Variants in DCDC1 observed in about 807,000 individuals in gnomAD.
DCDC1 encodes the protein doublecortin domain-containing protein 1.
Under a neutral mutation model 178.3 loss-of-function variants are expected in DCDC1, and 200 were observed. That is an observed-to-expected ratio of 1.12 (90% CI 1.00 to 1.26). The LOEUF is 1.26. DCDC1 is among the 50% of genes most tolerant of loss of function. The pLI is 0.00. For missense variants in DCDC1, 1,983 were observed against 1,749.2 expected, an observed-to-expected ratio of 1.13 and a Z score of -2.38; for synonymous variants, 690 against 604.8, an observed-to-expected ratio of 1.14 and a Z score of -2.07.
chr11:31,189,066 A>G (rs1291737425), intron 9 of DCDC1, among the ~76,000 whole-genome samples: 6 of 152,186 alleles, frequency 3.9e-5, no homozygotes, highest in Admixed American at 1.3e-4. Flanking sequence ...TGGTGCCTTC[A>G]TCTGGTACTT....
chr11:30,994,180 A>C (rs1396982688), intron 20 of DCDC1, among the ~76,000 whole-genome samples: 5 of 152,214 alleles, frequency 3.3e-5, no homozygotes, highest in African/African-American at 1.2e-4. Context: ...TACCATACTT[A>C]CCATAGACTA....
At chr11:31,261,602 A>C (rs1944788482) in intron 8 of DCDC1, among the ~76,000 whole-genome samples, 2 of 152,220 alleles carry the variant, frequency 1.3e-5, no homozygotes, top group Non-Finnish European at 2.9e-5. Context: ...CTAGAGATTA[A>C]AGTAAACAGG....
At chr11:31,321,250 C>A (rs1208219411) in intron 3 of DCDC1, among the ~76,000 whole-genome samples, 1 of 79,812 alleles carries the variant, frequency 1.3e-5, no homozygotes, top group Non-Finnish European at 2.5e-5. Flanking sequence ...GCCCCTCCCC[C>A]AGCCTCGTTG....
intron 20 of DCDC1, among the ~76,000 whole-genome samples, chr11:31,022,545 T>C (rs1178393410): frequency 6.6e-6 from 1 of 151,998 alleles, no homozygotes; most frequent in Non-Finnish European, 1.5e-5. Flanking sequence ...CTCTAGTTGA[T>C]GTCACCTCAT....
At chr11:31,218,656 A>G (rs1973876593) in intron 9 of DCDC1, among the ~76,000 whole-genome samples, 1 of 152,168 alleles carries the variant, frequency 6.6e-6, no homozygotes, top group Admixed American at 6.5e-5. Flanking sequence ...GTCATAATAA[A>G]ATGTAACAGC....
intron 9 of DCDC1, among the ~76,000 whole-genome samples, chr11:31,153,834 T>C (rs529431913): frequency 7.3e-5 from 8 of 109,772 alleles, no homozygotes; most frequent in African/African-American, 3.0e-4. Context: ...CATAACTCTA[T>C]GCTGTATCAT....
chr11:31,038,281 A>G lies in DCDC1; in HGVS notation c.2591+26188T>C, dbSNP rs900914787. Among the ~76,000 whole-genome samples, 14 of 152,240 alleles carry G rather than the reference A, an allele frequency of 9.2e-5. No homozygotes were observed. The East Asian group carries it at 2.7e-3, about 29-fold the overall frequency. On this transcript the variant is annotated intron_variant, in intron 20 of 38. Coordinates refer to ENST00000684477, the MANE Select transcript of DCDC1 (RefSeq NM_001387274.1). Reference sequence around the variant, plus strand: ...AAATGAATTTAAGTGCACATATCAGAACGAAGCATTTGGATACCTGGAGAG... The same window carrying G: ...AAATGAATTTAAGTGCACATATCAGGACGAAGCATTTGGATACCTGGAGAG...
intron 9 of DCDC1, among the ~76,000 whole-genome samples, chr11:31,206,380 A>G (rs780614640): frequency 8.5e-5 from 13 of 152,150 alleles, no homozygotes; most frequent in Middle Eastern, 6.8e-3. Flanking sequence ...AGATCATGAG[A>G]TCTCAATCTA....
chr11:30,932,542 G>C (rs183173650), intron 21 of DCDC1, among the ~76,000 whole-genome samples: 9 of 152,238 alleles, frequency 5.9e-5, no homozygotes, highest in Admixed American at 5.9e-4. Context: ...TTCTAGGCAT[G>C]ATATTATGCA....
intron 9 of DCDC1, among the ~76,000 whole-genome samples, chr11:31,171,470 C>T (rs1158340188): frequency 6.6e-6 from 1 of 152,166 alleles, no homozygotes; most frequent in Non-Finnish European, 1.5e-5. Context: ...TTTCTCTCAA[C>T]CTACATGTCT....
intron 15 of DCDC1, among the ~76,000 whole-genome samples, chr11:31,099,435 A>G (rs1402328173): frequency 6.6e-6 from 1 of 152,114 alleles, no homozygotes; most frequent in Non-Finnish European, 1.5e-5. Flanking sequence ...TTGAATTAAG[A>G]CCCTTCATGA....
chr11:31,160,379 T>G (rs1430795650), intron 9 of DCDC1, among the ~76,000 whole-genome samples: 1 of 152,194 alleles, frequency 6.6e-6, no homozygotes, highest in African/African-American at 2.4e-5. Context: ...TATCTTAGCA[T>G]TTTAATATAA....
chr11:31,275,586 C>A (rs1416616124), intron 7 of DCDC1, among the ~76,000 whole-genome samples: 4 of 152,102 alleles, frequency 2.6e-5, no homozygotes, highest in Non-Finnish European at 1.5e-5. Context: ...CTCACTGCAA[C>A]CTCTGCCTCC....
chr11:31,364,701 C>A (rs762555947), intron 1 of DCDC1, among the ~76,000 whole-genome samples: 1 of 152,070 alleles, frequency 6.6e-6, no homozygotes, highest in African/African-American at 2.4e-5. Flanking sequence ...TGACTATTGT[C>A]AAAATGGCAA....
chr11:31,021,405 A>C (rs1196810990), intron 20 of DCDC1, among the ~76,000 whole-genome samples: 1 of 152,194 alleles, frequency 6.6e-6, no homozygotes, highest in African/African-American at 2.4e-5. Flanking sequence ...AAAAAGTAAA[A>C]ACGGAGCACA....
chr11:30,919,002 C>T (rs1191604742), intron 25 of DCDC1, among the ~76,000 whole-genome samples: 1 of 152,068 alleles, frequency 6.6e-6, no homozygotes, highest in Non-Finnish European at 1.5e-5. Context: ...CTCCTTAAAT[C>T]ATCCCATTTT....
In DCDC1 at chr11:30,906,551, T is replaced by G. The variant is rs1163020292; in HGVS notation, c.4093A>C (p.Ser1365Arg). 1 of 1,612,794 alleles carries G rather than the reference T, an allele frequency of 6.2e-7. No homozygotes were observed. The highest frequency in any genetic ancestry group is 8.5e-7 in the Non-Finnish European group (1 of 1,179,362). ...AGATCATTACATACCTCAGCCACAC[T>G]GATGACCTTGAAGGGCCCTTGTAAG... is the stretch of plus-strand genomic sequence containing the variant. ...PFLQGPFKVISVAEVDLSCDK... is the reference protein window; with the variant it reads ...PFLQGPFKVIRVAEVDLSCDK... Residue 1365 changes from serine to arginine, a missense_variant, in exon 30 of 39, where the codon AGT becomes CGT. Transcript: ENST00000684477.
intron 20 of DCDC1, among the ~76,000 whole-genome samples, chr11:31,015,180 C>T (rs1168791142): frequency 2.6e-5 from 4 of 152,030 alleles, no homozygotes; most frequent in Non-Finnish European, 4.4e-5. Flanking sequence ...GATCTCCTGA[C>T]CTCGTGATCC....
At position 30,925,555 on chromosome 11, in the gene DCDC1, A is replaced by G. The variant is rs915051789; in HGVS notation, c.2898-147T>C. The G allele has an allele frequency of 6.3e-5, 44 of 695,172 alleles. No individual in the cohort carries two copies. The African/African-American group carries it at 6.5e-4, about 10-fold the overall frequency. 43.1% of individuals were successfully genotyped at this position (695,172 alleles called of 1,614,324 possible). On this transcript the variant is annotated intron_variant, in intron 22 of 38. Transcript: ENST00000684477. The stretch of plus-strand genomic sequence containing the variant: ...CATGAGCTGGACTCTGGGGCCCATC[A>G]GACCCATTTGAGTCTCATTTTCCTC...
Sources: allele counts gnomAD v4.1 joint callset (sites outside exome capture counted in the v4.1 genomes callset), GRCh38; gene constraint gnomAD v4.1.1; transcripts MANE v1.5; gene names NCBI Gene and HGNC (gene_info 2026-07-23, HGNC 2026-07-21).